Variants in CNTN6 observed in about 807,000 individuals in gnomAD.
CNTN6 encodes the protein contactin 6.
In CNTN6, 137 loss-of-function variants were observed where a neutral mutation model predicts 122.8. The ratio of observed to expected loss-of-function variants is 1.12; its 90% CI spans 0.97 to 1.29. CNTN6 has a LOEUF of 1.29. Ranked by LOEUF, CNTN6 falls within the 50% of genes most tolerant of loss-of-function variation. CNTN6 has a pLI of 0.00. For synonymous variants in CNTN6, 570 were observed against 426.0 expected, an observed-to-expected ratio of 1.34 and a Z score of -4.16; for missense variants, 1,634 against 1,223.4, an observed-to-expected ratio of 1.34 and a Z score of -5.01.
intron 2 of CNTN6, among the ~76,000 whole-genome samples, chr3:1,195,731 T>C (rs2093767432): frequency 6.6e-6 from 1 of 152,182 alleles, no homozygotes; most frequent in African/African-American, 2.4e-5. Context: ...ATATTTATAG[T>C]CAACTCTTGT....
chr3:1,301,556 C>T (rs1697419868), intron 7 of CNTN6, among the ~76,000 whole-genome samples: 1 of 151,980 alleles, frequency 6.6e-6, no homozygotes, highest in African/African-American at 2.4e-5. Flanking sequence ...ATTACCAAAC[C>T]ATACCTCATA....
intron 4 of CNTN6, among the ~76,000 whole-genome samples, chr3:1,246,931 T>G (rs1327678385): frequency 1.3e-5 from 2 of 152,188 alleles, no homozygotes; most frequent in Non-Finnish European, 2.9e-5. Flanking sequence ...CAATGTTGCT[T>G]TTTTGTGTAG....
chr3:1,100,555 T>C (rs968996340), intron 1 of CNTN6, among the ~76,000 whole-genome samples: 1 of 152,078 alleles, frequency 6.6e-6, no homozygotes, highest in Non-Finnish European at 1.5e-5. Context: ...TTCTGAAAAA[T>C]TCTCAGCTAT....
At chr3:1,399,054 T>A (rs1292826975) in intron 20 of CNTN6, among the ~76,000 whole-genome samples, 3 of 152,126 alleles carry the variant, frequency 2.0e-5, no homozygotes, top group Non-Finnish European at 4.4e-5. Context: ...GGATTTATAG[T>A]GTTGAAAACA....
At chr3:1,361,638 C>G (rs1467341963) in intron 12 of CNTN6, among the ~76,000 whole-genome samples, 1 of 152,088 alleles carries the variant, frequency 6.6e-6, no homozygotes, top group Non-Finnish European at 1.5e-5. Flanking sequence ...TACCAATACA[C>G]TTAATCTATT....
intron 7 of CNTN6, among the ~76,000 whole-genome samples, chr3:1,307,797 C>G (rs149033462): frequency 1.4e-3 from 209 of 152,172 alleles, no homozygotes; most frequent in Admixed American, 3.2e-3. Context: ...CATAATTAGA[C>G]TGGGGTTACA....
chr3:1,270,058 A>G (rs7621594), intron 4 of CNTN6, among the ~76,000 whole-genome samples: 22,708 of 152,120 alleles, frequency 0.15, 2,029 homozygotes, highest in South Asian at 0.3. Flanking sequence ...TTTGACAATA[A>G]CATTGTGCTT....
chr3:1,144,675 C>G (rs1028160815), intron 1 of CNTN6, among the ~76,000 whole-genome samples: 1 of 137,738 alleles, frequency 7.3e-6, no homozygotes, highest in Non-Finnish European at 1.6e-5. Flanking sequence ...AAACAAAATA[C>G]AAACAGGACT....
At chr3:1,354,869 G>A (rs1219226336) in intron 12 of CNTN6, among the ~76,000 whole-genome samples, 1 of 151,360 alleles carries the variant, frequency 6.6e-6, no homozygotes, top group Non-Finnish European at 1.5e-5. Flanking sequence ...CTAATTGTAG[G>A]GTTTGTAATC....
At chr3:1,165,814 G>A (rs1043637128) in intron 2 of CNTN6, among the ~76,000 whole-genome samples, 6 of 152,110 alleles carry the variant, frequency 3.9e-5, no homozygotes, top group South Asian at 4.1e-4. Flanking sequence ...ATTTTAGCAC[G>A]GACTGAATTT....
chr3:1,276,456 T>C (rs1279541489), intron 4 of CNTN6, among the ~76,000 whole-genome samples: 1 of 152,228 alleles, frequency 6.6e-6, no homozygotes, highest in Non-Finnish European at 1.5e-5. Flanking sequence ...TTCCAATCCA[T>C]TTTATTTGTA....
chr3:1,376,959 C>G, intron 16 of CNTN6, 46 bp from the exon 17 acceptor site: 2 of 1,280,220 alleles, frequency 1.6e-6, no homozygotes, highest in Non-Finnish European at 2.2e-6. Context: ...CTGATGAAGA[C>G]GTACTTTAAT....
At chr3:1,116,715 T>A (rs1351016769) in intron 1 of CNTN6, among the ~76,000 whole-genome samples, 1 of 148,278 alleles carries the variant, frequency 6.7e-6, no homozygotes, top group African/African-American at 2.5e-5. Flanking sequence ...TTTTTTTTTT[T>A]TTTTTTTGAG....
intron 2 of CNTN6, among the ~76,000 whole-genome samples, chr3:1,216,634 C>A (rs1045572333): frequency 2.3e-4 from 35 of 152,188 alleles, no homozygotes; most frequent in African/African-American, 8.2e-4. Flanking sequence ...AATCAGAGAA[C>A]AAGAGTGGTG....
At chr3:1,113,007 T>C (rs970097441) in intron 1 of CNTN6, among the ~76,000 whole-genome samples, 2 of 152,184 alleles carry the variant, frequency 1.3e-5, no homozygotes, top group African/African-American at 4.8e-5. Flanking sequence ...CTATCACTTA[T>C]TAAATACTTG....
At position 1,297,942 on chromosome 3, in the gene CNTN6, C is replaced by G; in HGVS notation, c.712C>G (p.Gln238Glu). The G allele has an allele frequency of 6.2e-7, 1 of 1,612,906 alleles. No individual in the cohort carries two copies. The highest frequency in any genetic ancestry group is 8.5e-7 in the Non-Finnish European group (1 of 1,179,626). ...TGAAGTGCGTTTTCCTGAAACTATA[C>G]AAGCTGCAAAGGATTCATCTGTAAA... ...KIEVRFPETI[Q>E]AAKDSSVKLE... is the part of the protein sequence containing the mutation. The change falls in exon 7 of 23, where the codon CAA (glutamine) becomes GAA (glutamate). Residue 238 changes from glutamine to glutamate, a missense_variant. Gln to Glu is a conservative substitution (Grantham distance 29, BLOSUM62 2). Coordinates refer to ENST00000446702, the MANE Select transcript of CNTN6 (RefSeq NM_001289080.2).
intron 19 of CNTN6, among the ~76,000 whole-genome samples, chr3:1,384,313 G>GAGGTA (rs1559987588): frequency 7.3e-5 from 11 of 150,358 alleles, no homozygotes; most frequent in Non-Finnish European, 1.5e-4. Context: ...GGTAAGAGGT[G>GAGGTA]AAGTCTGCTC....
At position 1,230,017 on chromosome 3, in the gene CNTN6, G is replaced by A. The variant is rs537676852; in HGVS notation, c.358+2024G>A. ...TCATTGTATCCGGGGAGACATGTGC[G>A]AGAGTGTGGAAACAGAGAGTAAAGG... On this transcript the variant is annotated intron_variant, in intron 4 of 22. Coordinates refer to ENST00000446702, the MANE Select transcript of CNTN6 (RefSeq NM_001289080.2). Among the ~76,000 whole-genome samples the A allele has an allele frequency of 4.6e-5, 7 of 152,220 alleles. No homozygotes were observed. In the East Asian group the frequency reaches 5.8e-4, roughly 13 times the overall value.
At chr3:1,269,757 T>C (rs1436235371) in intron 4 of CNTN6, among the ~76,000 whole-genome samples, 5 of 152,174 alleles carry the variant, frequency 3.3e-5, no homozygotes, top group Admixed American at 6.5e-5. Context: ...GGGAAAAACA[T>C]GCATTATGTG....
Sources: allele counts gnomAD v4.1 joint callset (sites outside exome capture counted in the v4.1 genomes callset), GRCh38; gene constraint gnomAD v4.1.1; transcripts MANE v1.5; gene names NCBI Gene and HGNC (gene_info 2026-07-23, HGNC 2026-07-21).